The following PTPRC variants were observed in gnomAD, a reference collection of about 807,000 sequenced individuals.
The protein encoded by PTPRC is protein tyrosine phosphatase receptor type C, also known as receptor-type tyrosine-protein phosphatase C.
PTPRC carries 44 observed loss-of-function variants against 155.9 expected under a neutral mutation model. The ratio of observed to expected loss-of-function variants is 0.28; its 90% CI spans 0.22 to 0.36. The LOEUF (loss-of-function observed/expected upper bound fraction) is 0.36. PTPRC is among the 10% of genes least tolerant of loss of function. The pLI, the probability that PTPRC is intolerant of heterozygous loss-of-function variation, is 1.00. For missense variants in PTPRC, 1,401 were observed against 1,564.6 expected (o/e 0.90, Z 1.76); for synonymous variants, 525 against 533.1 (o/e 0.98, Z 0.21).
intron 22 of PTPRC, among the ~76,000 whole-genome samples, chr1:198,734,831 A>G (rs188827113): frequency 6.6e-6 from 1 of 151,826 alleles, no homozygotes; most frequent in Non-Finnish European, 1.5e-5. Flanking sequence ...ACCTAAAATT[A>G]ACCACAAGCA....
At chr1:198,744,589 G>T (rs1029596738) in intron 26 of PTPRC, among the ~76,000 whole-genome samples, 2 of 151,900 alleles carry the variant, frequency 1.3e-5, no homozygotes, top group Non-Finnish European at 2.9e-5. Context: ...AAGAGTTTAT[G>T]ACTGCTTAGG....
At chr1:198,707,575 A>G (rs968357303) in intron 9 of PTPRC, among the ~76,000 whole-genome samples, 32 of 152,186 alleles carry the variant, frequency 2.1e-4, no homozygotes, top group African/African-American at 7.5e-4. Flanking sequence ...ATTCAAGACT[A>G]TTAATAAATT....
intron 14 of PTPRC, among the ~76,000 whole-genome samples, chr1:198,720,125 C>T (rs887156555): frequency 2.6e-5 from 4 of 152,040 alleles, no homozygotes; most frequent in African/African-American, 4.8e-5. Flanking sequence ...GTGTTATTCT[C>T]TCAGAGTATT....
chr1:198,739,739 C>T (rs1169735878), intron 23 of PTPRC, among the ~76,000 whole-genome samples: 1 of 151,792 alleles, frequency 6.6e-6, no homozygotes. Flanking sequence ...ACCTAATAGA[C>T]ATTTATAGAA....
At chr1:198,666,474 A>G (rs1664313979) in intron 2 of PTPRC, among the ~76,000 whole-genome samples, 1 of 152,196 alleles carries the variant, frequency 6.6e-6, no homozygotes, top group Admixed American at 6.5e-5. Context: ...AAAATAAAGA[A>G]ATAATAAAAG....
intron 2 of PTPRC, among the ~76,000 whole-genome samples, chr1:198,650,998 T>C (rs1376496143): frequency 1.3e-5 from 2 of 151,878 alleles, no homozygotes; most frequent in African/African-American, 4.8e-5. Context: ...ATATCTCTAT[T>C]AACTTTAATA....
Position 198,735,261 on chromosome 1 carries a change from G to T in PTPRC, c.2403+9G>T, listed in dbSNP as rs765154448. 2.2e-5 allele frequency: 35 copies of T among 1,591,716 alleles called. No individual in the cohort carries two copies. Among genetic ancestry groups the T allele is most frequent in the Non-Finnish European group, 2.7e-5 (32 of 1,166,640 alleles). ...AATTGAACATTGTAAATGTGAGTTT[G>T]CTTTTTACATAATTTTTGTTTTGAT... On this transcript the variant is annotated intron_variant, in intron 23 of 32. Coordinates refer to ENST00000442510, the MANE Select transcript of PTPRC (RefSeq NM_002838.5).
intron 2 of PTPRC, among the ~76,000 whole-genome samples, chr1:198,649,358 G>C (rs899106889): frequency 6.6e-6 from 1 of 151,770 alleles, no homozygotes; most frequent in African/African-American, 2.4e-5. Context: ...TATGATAAAG[G>C]TATGTAATGG....
intron 10 of PTPRC, 49 bp downstream of exon 10, chr1:198,708,310 G>C (rs2102415909): frequency 1.3e-6 from 2 of 1,540,064 alleles, no homozygotes; most frequent in South Asian, 1.1e-5. Flanking sequence ...GCACAATGTT[G>C]TTCTAGATAT....
chr1:198,675,183 T>A (rs1016038387), intron 2 of PTPRC, among the ~76,000 whole-genome samples: 12 of 152,186 alleles, frequency 7.9e-5, no homozygotes, highest in Non-Finnish European at 1.5e-4. Context: ...AAAAAATGAC[T>A]CTATTTTTCC....
rs958704433 is a variant in PTPRC at position 198,710,340 on chromosome 1, T to A, written c.1171+516T>A. Among the ~76,000 whole-genome samples the A allele has an allele frequency of 3.3e-5, 5 of 152,076 alleles. No homozygotes were observed. The East Asian group carries it at 9.6e-4, about 29-fold the overall frequency. On this transcript the variant is annotated intron_variant, in intron 11 of 32. Coordinates refer to ENST00000442510, the MANE Select transcript of PTPRC (RefSeq NM_002838.5). ...TACACTGTCGATTACTGCTGCTTTG[T>A]AGTAAATTTTGAAACTGGAAACTGT...
At chr1:198,725,420 T>C (rs907191268) in intron 15 of PTPRC, among the ~76,000 whole-genome samples, 3 of 152,202 alleles carry the variant, frequency 2.0e-5, no homozygotes, top group African/African-American at 7.2e-5. Context: ...TTTTTTCTGA[T>C]ATCATTCATT....
chr1:198,687,223 C>T (rs1403239017), intron 2 of PTPRC, among the ~76,000 whole-genome samples: 4 of 152,096 alleles, frequency 2.6e-5, no homozygotes, highest in East Asian at 1.9e-4. Flanking sequence ...TTGGTTCAAG[C>T]GATCCAGCTG....
At position 198,718,388 on chromosome 1, in the gene PTPRC, C is replaced by T. The variant is rs981481584; in HGVS notation, c.1659+86C>T. The T allele has an allele frequency of 1.0e-5, 11 of 1,098,650 alleles. No individual in the cohort carries two copies. In the Admixed American group the frequency reaches 1.4e-4, roughly 14 times the overall value. The allele number at this position is 1,098,650 out of a possible 1,614,324, so 68.1% of individuals were successfully genotyped here. A position where few individuals can be genotyped will look rare whatever the true frequency, so the allele number is the denominator to read the frequency against. On this transcript the variant is annotated intron_variant, in intron 14 of 32. Coordinates refer to ENST00000442510, the MANE Select transcript of PTPRC (RefSeq NM_002838.5). Reference sequence around the variant, plus strand: ...TACTTAAATAACTTTAAGACCACTGCTCACATGAGATTGAGAAGCTCTGAT... The same window carrying T: ...TACTTAAATAACTTTAAGACCACTGTTCACATGAGATTGAGAAGCTCTGAT...
intron 2 of PTPRC, chr1:198,680,118 T>C: frequency 2.4e-6 from 1 of 414,172 alleles, no homozygotes; most frequent in Non-Finnish European, 4.3e-6. Flanking sequence ...CGGCAGCCTC[T>C]GAAAACTAGC....
intron 4 of PTPRC, among the ~76,000 whole-genome samples, chr1:198,698,827 A>G (rs1052793818): frequency 1.3e-5 from 2 of 152,146 alleles, no homozygotes; most frequent in African/African-American, 4.8e-5. Flanking sequence ...TATACTTTAT[A>G]TGTACTTAAA....
chr1:198,704,757 T>C (rs1207019755), intron 8 of PTPRC, among the ~76,000 whole-genome samples: 1 of 152,322 alleles, frequency 6.6e-6, no homozygotes, highest in South Asian at 2.1e-4. Context: ...TATTGGGAAC[T>C]GTGCCTACTT....
At position 198,734,195 on chromosome 1, in the gene PTPRC, G is replaced by C; in HGVS notation, c.2143-1G>C. ...CATATCTCTGCATGTGTTTTCAATA[G>C]GGTTTCAAAGAACCCAGGAAATACA... is the stretch of plus-strand genomic sequence containing the variant. On this transcript the variant is annotated splice_acceptor_variant, in intron 20 of 32. Coordinates refer to ENST00000442510, the MANE Select transcript of PTPRC (RefSeq NM_002838.5). LOFTEE classifies it high-confidence loss of function. The C allele has an allele frequency of 6.2e-7, 1 of 1,609,808 alleles. No individual in the cohort carries two copies. The highest frequency in any genetic ancestry group is 8.5e-7 in the Non-Finnish European group (1 of 1,177,544).
intron 2 of PTPRC, among the ~76,000 whole-genome samples, chr1:198,655,654 G>C (rs1663523636): frequency 6.6e-6 from 1 of 152,004 alleles, no homozygotes; most frequent in South Asian, 2.1e-4. Context: ...TTACAGCTTA[G>C]ACTAGTTTCT....
Sources: gnomAD v4.1 joint callset for allele counts (sites outside exome capture counted in the v4.1 genomes callset) on GRCh38, gnomAD v4.1.1 for gene constraint, MANE v1.5 for transcripts, NCBI Gene and HGNC (gene_info 2026-07-23, HGNC 2026-07-21) for gene names.